GRM7: variants seen among roughly 807,000 people sequenced by gnomAD.
GRM7 encodes the protein metabotropic glutamate receptor 7.
A neutral mutation model predicts 84.5 loss-of-function variants in GRM7; 35 were observed. The ratio of observed to expected loss-of-function variants is 0.41; its 90% confidence interval spans 0.32 to 0.55. The LOEUF (loss-of-function observed/expected upper bound fraction) is 0.55, where lower values mean the gene tolerates loss of function less well. Among genes scored for constraint, GRM7 ranks in the 20% least tolerant of loss-of-function variants. The probability of loss-of-function intolerance (pLI) is 0.19; values close to 1 mark genes in which losing one functional copy is unlikely to be tolerated. For missense variants in GRM7, 1,003 were observed against 1,194.6 expected (o/e 0.84, Z 2.36); for synonymous variants, 487 against 455.1 (o/e 1.07, Z -0.89).
chr3:7,089,668 C>G (rs1464049557), intron 1 of GRM7, among the ~76,000 whole-genome samples: 1 of 152,058 alleles, frequency 6.6e-6, no homozygotes, highest in East Asian at 1.9e-4. Flanking sequence ...AAATGTTGTT[C>G]AAGAGTTTGT....
intron 5 of GRM7, among the ~76,000 whole-genome samples, chr3:7,441,435 T>G (rs1304961842): frequency 6.6e-6 from 1 of 152,184 alleles, no homozygotes; most frequent in Non-Finnish European, 1.5e-5. Context: ...TCCAATTTTT[T>G]GGGTTGTCTG....
At chr3:7,129,240 T>C (rs1275934539) in intron 1 of GRM7, among the ~76,000 whole-genome samples, 3 of 152,344 alleles carry the variant, frequency 2.0e-5, no homozygotes, top group African/African-American at 7.2e-5. Flanking sequence ...ATTGCCTACT[T>C]ACTTTGTCTT....
chr3:7,356,031 C>G (rs539198914), intron 4 of GRM7, among the ~76,000 whole-genome samples: 4 of 152,012 alleles, frequency 2.6e-5, no homozygotes, highest in African/African-American at 9.7e-5. Context: ...GAAGTCTTCC[C>G]CATAGGCAGA....
At chr3:7,661,263 C>G (rs890505700) in intron 8 of GRM7, among the ~76,000 whole-genome samples, 2 of 152,136 alleles carry the variant, frequency 1.3e-5, no homozygotes, top group Admixed American at 6.5e-5. Flanking sequence ...AAGAGGCCAA[C>G]AACGCAGTAA....
In GRM7 at chr3:6,974,149, G is replaced by A. The variant is rs1273318816; in HGVS notation, c.519+112242G>A. Among the ~76,000 whole-genome samples the A allele has an allele frequency of 9.2e-5, 14 of 152,184 alleles. No individual in the cohort carries two copies. The South Asian group carries it at 1.4e-3, about 16-fold the overall frequency. Reference sequence around the variant, plus strand: ...AACATGAAAGTAAAAGAGCAGCAAAGATGATTCCACAAAGCCATCAGCCTG... The same window carrying A: ...AACATGAAAGTAAAAGAGCAGCAAAAATGATTCCACAAAGCCATCAGCCTG... On this transcript the variant is annotated intron_variant, in intron 1 of 9. Transcript: ENST00000357716.
intron 8 of GRM7, among the ~76,000 whole-genome samples, chr3:7,656,528 T>C (rs1699194057): frequency 1.0e-5 from 1 of 98,756 alleles, no homozygotes; most frequent in South Asian, 3.9e-4. Context: ...AAAAAATATA[T>C]ATATATATAT....
rs969046060 is a variant in GRM7 at position 6,906,744 on chromosome 3, A to G, written c.519+44837A>G. Among the ~76,000 whole-genome samples, 39 of 151,988 alleles carry G rather than the reference A, an allele frequency of 2.6e-4. 1 individual carries two copies. Among genetic ancestry groups the G allele is most frequent in the Admixed American group, 2.3e-3 (35 of 15,238 alleles). On this transcript the variant is annotated intron_variant, in intron 1 of 9. Coordinates refer to ENST00000357716, the MANE Select transcript of GRM7 (RefSeq NM_000844.4). ...TGTGTCTCATTTATACCATACCAGC[A>G]TTTTTCTTATGTTTTTAGCTGCTGT...
rs112628009 is a variant in GRM7 at position 6,894,486 on chromosome 3, G to A, written c.519+32579G>A. Among the ~76,000 whole-genome samples, 440 of 152,168 alleles carry A rather than the reference G, an allele frequency of 2.9e-3. 2 individuals are homozygous for A. The highest frequency in any genetic ancestry group is 9.6e-3 in the African/African-American group (397 of 41,524). The stretch of plus-strand genomic sequence containing the variant: ...GTTTCTATCCTAAAAATGCTAGAAT[G>A]GGAGCAAATAAGCCAAATTAATTGT... On this transcript the variant is annotated intron_variant, in intron 1 of 9. Coordinates refer to ENST00000357716, the MANE Select transcript of GRM7 (RefSeq NM_000844.4).
intron 2 of GRM7, among the ~76,000 whole-genome samples, chr3:7,263,499 G>T (rs1217799618): frequency 1.3e-5 from 2 of 152,170 alleles, no homozygotes; most frequent in Non-Finnish European, 2.9e-5. Context: ...CCTCTGTGTG[G>T]GCATTTGCAG....
intron 8 of GRM7, among the ~76,000 whole-genome samples, chr3:7,627,401 T>G (rs1697663042): frequency 6.6e-6 from 1 of 152,124 alleles, no homozygotes; most frequent in Non-Finnish European, 1.5e-5. Context: ...ATTAGCTTAT[T>G]AAAGTTAGAA....
chr3:7,383,640 A>G (rs746722714), intron 4 of GRM7, among the ~76,000 whole-genome samples: 5 of 152,202 alleles, frequency 3.3e-5, no homozygotes, highest in Admixed American at 6.5e-5. Flanking sequence ...TTCAAAGGAA[A>G]TGTCATAGAT....
rs148248218 is a variant in GRM7, at chr3:7,307,628, C to A, written c.1033+976C>A. ...TCTGTTATCTGGAGGAGATAAAAAT[C>A]TCATGAGTCACCCATGTTTTCACTG... is the stretch of plus-strand genomic sequence containing the variant. On this transcript the variant is annotated intron_variant, in intron 4 of 9. Transcript: ENST00000357716. Among the ~76,000 whole-genome samples, 729 of 152,300 alleles carry A rather than the reference C, an allele frequency of 4.8e-3. 7 individuals carry two copies. The highest frequency in any genetic ancestry group is 0.017 in the African/African-American group (703 of 41,556).
chr3:6,956,621 T>G (rs1384927667), intron 1 of GRM7: 1 of 456,718 alleles, frequency 2.2e-6, no homozygotes, highest in Non-Finnish European at 4.4e-6. Context: ...CCTTCAAAAG[T>G]AAGTTCAAGC....
At chr3:7,422,039 G>A (rs1236833438) in intron 5 of GRM7, among the ~76,000 whole-genome samples, 1 of 151,808 alleles carries the variant, frequency 6.6e-6, no homozygotes, top group Non-Finnish European at 1.5e-5. Flanking sequence ...AGGCTGCAGT[G>A]AGCTGTGATC....
At chr3:7,670,358 G>T (rs889997705) in intron 8 of GRM7, among the ~76,000 whole-genome samples, 1 of 152,150 alleles carries the variant, frequency 6.6e-6, no homozygotes, top group Non-Finnish European at 1.5e-5. Flanking sequence ...TTAACAAGAG[G>T]AAAGAGAAGG....
At chr3:6,923,871 A>C (rs556990024) in intron 1 of GRM7, among the ~76,000 whole-genome samples, 2 of 152,296 alleles carry the variant, frequency 1.3e-5, no homozygotes, top group East Asian at 3.9e-4. Flanking sequence ...TGAGTGAAGG[A>C]TGTGATTTCT....
chr3:7,271,973 GA>G (rs1156578626), intron 2 of GRM7, among the ~76,000 whole-genome samples: 1 of 152,138 alleles, frequency 6.6e-6, no homozygotes, highest in East Asian at 1.9e-4. Flanking sequence ...ACAGAAATCT[GA>G]AACATTGTGA....
intron 8 of GRM7, among the ~76,000 whole-genome samples, chr3:7,580,312 T>G (rs1443267565): frequency 1.3e-5 from 2 of 152,190 alleles, no homozygotes; most frequent in Non-Finnish European, 2.9e-5. Flanking sequence ...CTAACTGACA[T>G]ACTCTGCAAA....
chr3:7,694,484 G>C, intron 9 of GRM7: 1 of 492,076 alleles, frequency 2.0e-6, no homozygotes, highest in Non-Finnish European at 2.6e-6. Flanking sequence ...TCTAATTTTT[G>C]TTTGGAACAA....
Sources: allele counts gnomAD v4.1 joint callset (sites outside exome capture counted in the v4.1 genomes callset), GRCh38; gene constraint gnomAD v4.1.1; transcripts MANE v1.5; gene names NCBI Gene and HGNC (gene_info 2026-07-23, HGNC 2026-07-21).